VAV1: variants seen among roughly 807,000 people sequenced by gnomAD.
VAV1 encodes proto-oncogene vav.
VAV1 carries 33 observed loss-of-function variants against 128.1 expected under a neutral mutation model. The observed-to-expected ratio is 0.26, with a 90% CI of 0.20 to 0.34. VAV1 has a LOEUF of 0.34. Ranked by LOEUF, VAV1 falls within the 10% of genes least tolerant of loss-of-function variation. The pLI is 1.00. For synonymous variants in VAV1, 394 were observed against 409.8 expected, an observed-to-expected ratio of 0.96 and a Z score of 0.47; for missense variants, 715 against 1,093.7, an observed-to-expected ratio of 0.65 and a Z score of 4.88.
At chr19:6,814,675 T>TTCCTTCCTTTCTTTCTTC (rs1568299213) in intron 1 of VAV1, among the ~76,000 whole-genome samples, 10 of 77,050 alleles carry the variant, frequency 1.3e-4, no homozygotes, top group African/African-American at 5.5e-4. Flanking sequence ...TTCCTTCCTT[T>TTCCTTCCTTTCTTTCTTC]CTTTCTTTCT....
intron 1 of VAV1, among the ~76,000 whole-genome samples, chr19:6,786,453 C>T (rs1462078068): frequency 6.6e-6 from 1 of 151,690 alleles, no homozygotes. Flanking sequence ...CACAGCAAGC[C>T]CGTCCCTGTA....
At chr19:6,794,365 C>T (rs757724763) in intron 1 of VAV1, among the ~76,000 whole-genome samples, 3 of 152,058 alleles carry the variant, frequency 2.0e-5, no homozygotes, top group Admixed American at 1.3e-4. Flanking sequence ...CCAGGCCAGG[C>T]GTGGTGGCCC....
chr19:6,784,312 C>G, intron 1 of VAV1: 1 of 481,462 alleles, frequency 2.1e-6, no homozygotes, highest in Non-Finnish European at 3.8e-6. Context: ...ATAAGAAGGA[C>G]CTGAGCCAAG....
chr19:6,782,732 A>ATG (rs1970791990), intron 1 of VAV1, among the ~76,000 whole-genome samples: 1 of 152,074 alleles, frequency 6.6e-6, no homozygotes, highest in Non-Finnish European at 1.5e-5. Context: ...ATATATATAT[A>ATG]TTAGCAGAGC....
At chr19:6,852,402 C>T (rs750340566) in intron 24 of VAV1, among the ~76,000 whole-genome samples, 8 of 151,968 alleles carry the variant, frequency 5.3e-5, no homozygotes, top group African/African-American at 1.9e-4. Context: ...AAATTTATCA[C>T]GAAGTAAGTT....
intron 1 of VAV1, among the ~76,000 whole-genome samples, chr19:6,813,841 G>A (rs1971563772): frequency 6.6e-6 from 1 of 152,036 alleles, no homozygotes; most frequent in Non-Finnish European, 1.5e-5. Flanking sequence ...GTCACTTGAG[G>A]CCAGGAGTTG....
At chr19:6,848,366 CCT>C (rs1972577489) in intron 23 of VAV1, among the ~76,000 whole-genome samples, 1 of 151,922 alleles carries the variant, frequency 6.6e-6, no homozygotes, top group Non-Finnish European at 1.5e-5. Flanking sequence ...TCAGAGTCTC[CCT>C]CTGTCGCCCT....
At chr19:6,846,026 A>G (rs1376101639) in intron 22 of VAV1, among the ~76,000 whole-genome samples, 2 of 148,716 alleles carry the variant, frequency 1.3e-5, no homozygotes, top group Admixed American at 1.3e-4. Context: ...CATTTACATT[A>G]TGTTAGGTGA....
At chr19:6,849,438 C>T (rs570910558) in intron 23 of VAV1, among the ~76,000 whole-genome samples, 2 of 144,120 alleles carry the variant, frequency 1.4e-5, no homozygotes, top group East Asian at 2.1e-4. Context: ...TACAGGTGCA[C>T]GTCACCATGC....
chr19:6,844,368 G>A (rs1230059858), intron 22 of VAV1, among the ~76,000 whole-genome samples: 1 of 151,698 alleles, frequency 6.6e-6, no homozygotes, highest in Non-Finnish European at 1.5e-5. Context: ...GGCACCTGCC[G>A]CCACACCTGG....
At chr19:6,836,877 C>CAT in intron 20 of VAV1, 108 bp from the exon 21 acceptor site, 2 of 761,720 alleles carry the variant, frequency 2.6e-6, no homozygotes, top group Non-Finnish European at 4.4e-6. Context: ...CACACACACA[C>CAT]ACGAGTGATG....
chr19:6,829,945 G>T, intron 14 of VAV1, 27 bp downstream of exon 14: 1 of 1,613,684 alleles, frequency 6.2e-7, no homozygotes, highest in East Asian at 2.2e-5. Context: ...GGAACTATGG[G>T]GTCCTCCACG....
At chr19:6,816,050 C>T (rs910420506) in intron 1 of VAV1, among the ~76,000 whole-genome samples, 63 of 144,366 alleles carry the variant, frequency 4.4e-4, no homozygotes, top group African/African-American at 1.3e-3. Context: ...GACGGAGTCT[C>T]GCTCTGTCGC....
rs34550612 is a variant in VAV1 at position 6,809,077 on chromosome 19, CTTTTT to C, written c.205-11608_205-11604del. ...AGATGAAGACTTAGAATCTACCTCT[CTTTTT>C]TTTTTTTTTTTTTTTTGAGATAGGG... On this transcript the variant is annotated intron_variant, in intron 1 of 26. Coordinates refer to ENST00000602142, the MANE Select transcript of VAV1 (RefSeq NM_005428.4). Among the ~76,000 whole-genome samples, 308 of 145,764 alleles carry C rather than the reference CTTTTT, an allele frequency of 2.1e-3. 3 individuals are homozygous for C. The East Asian group carries it at 0.049, about 23-fold the overall frequency.
chr19:6,795,798 C>A (rs146010502), intron 1 of VAV1, among the ~76,000 whole-genome samples: 2,677 of 152,310 alleles, frequency 0.018, 31 homozygotes, highest in South Asian at 0.057. Context: ...ATTCTCCTGT[C>A]TCAGCCTCCC....
At chr19:6,782,360 AAAAAT>A (rs910144491) in intron 1 of VAV1, among the ~76,000 whole-genome samples, 3 of 151,998 alleles carry the variant, frequency 2.0e-5, no homozygotes, top group Non-Finnish European at 2.9e-5. Context: ...AAATAAAAAT[AAAAAT>A]AAAATAAAAT....
intron 1 of VAV1, among the ~76,000 whole-genome samples, chr19:6,790,895 C>T (rs979644824): frequency 1.3e-5 from 2 of 152,208 alleles, no homozygotes; most frequent in African/African-American, 2.4e-5. Context: ...CAATGGTAAA[C>T]TGACATAGCA....
intron 2 of VAV1, 66 bp from the exon 3 acceptor site, chr19:6,821,556 C>T (rs1971783422): frequency 6.3e-7 from 1 of 1,594,562 alleles, no homozygotes; most frequent in African/African-American, 1.3e-5. Flanking sequence ...AGCCTTGCAG[C>T]TGGAAGCTGT....
intron 8 of VAV1, 60 bp downstream of exon 8, chr19:6,825,466 A>ATCT: frequency 1.4e-6 from 2 of 1,454,964 alleles, no homozygotes; most frequent in Non-Finnish European, 1.9e-6. Flanking sequence ...TAGGCTGGGC[A>ATCT]TCTGAGAGAC....
Sources: allele counts gnomAD v4.1 joint callset (sites outside exome capture counted in the v4.1 genomes callset), GRCh38; gene constraint gnomAD v4.1.1; transcripts MANE v1.5; gene names NCBI Gene and HGNC (gene_info 2026-07-23, HGNC 2026-07-21).